Variants in LRP2 observed in about 807,000 individuals in gnomAD.
LRP2 encodes the protein low-density lipoprotein receptor-related protein 2.
LRP2 carries 172 observed loss-of-function variants against 531.0 expected under a neutral mutation model. The ratio of observed to expected loss-of-function variants is 0.32; its 90% CI spans 0.29 to 0.37. The LOEUF (loss-of-function observed/expected upper bound fraction) is 0.37. Among genes scored for constraint, LRP2 ranks in the 10% least tolerant of loss-of-function variants. The pLI, the probability that LRP2 is intolerant of heterozygous loss-of-function variation, is 1.00. For missense variants in LRP2, 5,167 were observed against 5,868.3 expected (o/e 0.88, Z 3.90); for synonymous variants, 1,992 against 2,027.6 (o/e 0.98, Z 0.47).
At chr2:169,233,346 T>G in intron 30 of LRP2, 65 bp downstream of exon 30, 1 of 1,569,332 alleles carries the variant, frequency 6.4e-7, no homozygotes, top group Non-Finnish European at 8.8e-7. Flanking sequence ...AGTGTGCATT[T>G]AGCATTCCCA....
At chr2:169,207,315 T>C (rs957803392) in intron 38 of LRP2, 65 bp from the exon 39 acceptor site, 107 of 1,168,680 alleles carry the variant, frequency 9.2e-5, no homozygotes, top group Non-Finnish European at 1.3e-4. Flanking sequence ...GGGAGAACTT[T>C]ACAAATTCAG....
At chr2:169,310,783 C>T (rs955953881) in intron 3 of LRP2, among the ~76,000 whole-genome samples, 10 of 152,170 alleles carry the variant, frequency 6.6e-5, no homozygotes, top group African/African-American at 2.2e-4. Context: ...ATGGTACCAG[C>T]TCCTCCTTGT....
intron 62 of LRP2, among the ~76,000 whole-genome samples, chr2:169,163,448 C>T (rs1227170947): frequency 6.6e-6 from 1 of 152,118 alleles, no homozygotes; most frequent in Non-Finnish European, 1.5e-5. Flanking sequence ...GACACGAAGG[C>T]CCAATAAAAC....
At chr2:169,138,512 C>T (rs6741849) in intron 75 of LRP2, 65 bp downstream of exon 75, 1 of 1,571,338 alleles carries the variant, frequency 6.4e-7, no homozygotes, top group Non-Finnish European at 8.7e-7. Context: ...GAATTTTGTT[C>T]TTTATAAAAA....
intron 3 of LRP2, among the ~76,000 whole-genome samples, chr2:169,314,090 A>G (rs1473415202): frequency 6.6e-6 from 1 of 152,224 alleles, no homozygotes; most frequent in African/African-American, 2.4e-5. Flanking sequence ...AAAACTTAAC[A>G]TGAAAAACCT....
At chr2:169,292,719 T>C (rs1231983452) in intron 6 of LRP2, among the ~76,000 whole-genome samples, 2 of 151,134 alleles carry the variant, frequency 1.3e-5, no homozygotes, top group Non-Finnish European at 2.9e-5. Context: ...TCTCAGCTAC[T>C]CAGGAGGCTG....
At chr2:169,200,610 C>G (rs1688173489) in intron 44 of LRP2, among the ~76,000 whole-genome samples, 1 of 152,056 alleles carries the variant, frequency 6.6e-6, no homozygotes, top group Non-Finnish European at 1.5e-5. Flanking sequence ...CAATATAATA[C>G]TAAACTAAAC....
chr2:169,241,392 G>A (rs1282330210), intron 24 of LRP2, 27 bp from the exon 25 acceptor site: 2 of 1,612,932 alleles, frequency 1.2e-6, no homozygotes, highest in Admixed American at 1.7e-5. Flanking sequence ...GGGTAAATCG[G>A]CTTGTGAATG....
chr2:169,224,481 A>G (rs571702044), intron 33 of LRP2, among the ~76,000 whole-genome samples: 1 of 152,356 alleles, frequency 6.6e-6, no homozygotes, highest in South Asian at 2.1e-4. Flanking sequence ...GAGAGTATCA[A>G]AGGAATTAGA....
chr2:169,235,790 A>G (rs756142715), intron 29 of LRP2, 50 bp downstream of exon 29: 37 of 1,369,496 alleles, frequency 2.7e-5, no homozygotes, highest in Middle Eastern at 3.6e-4. Context: ...TCTGATTTCT[A>G]CCTATCCACG....
At chr2:169,193,611 C>T in intron 47 of LRP2, 150 bp downstream of exon 47, 1 of 964,038 alleles carries the variant, frequency 1.0e-6, no homozygotes. Flanking sequence ...ATATCAAACA[C>T]TCCCAGCATG....
At chr2:169,212,377 A>G (rs973159509) in intron 36 of LRP2, among the ~76,000 whole-genome samples, 170 bp from the exon 37 acceptor site, 4 of 152,186 alleles carry the variant, frequency 2.6e-5, no homozygotes, top group African/African-American at 7.2e-5. Context: ...AGCTTATACA[A>G]TAACACCTAA....
intron 16 of LRP2, among the ~76,000 whole-genome samples, chr2:169,261,678 G>T (rs1690560324): frequency 6.6e-6 from 1 of 152,064 alleles, no homozygotes; most frequent in South Asian, 2.1e-4. Flanking sequence ...AGGAGGAACT[G>T]GTACCATTCC....
In LRP2 at chr2:169,139,317, G is replaced by A; in HGVS notation, c.13322C>T (p.Ala4441Val). 1 of 1,614,148 alleles carries A rather than the reference G, an allele frequency of 6.2e-7. No individual in the cohort carries two copies. Among genetic ancestry groups the A allele is most frequent in the South Asian group, 1.1e-5 (1 of 91,080 alleles). The change falls in exon 74 of 79, where the codon GCA becomes GTA. Residue 4441 changes from alanine (A) to valine (V), a missense_variant. Around this residue, in one of 6 missense-constraint regions of LRP2, gnomAD observed 348 missense variants for 369.3 expected, o/e 0.94. Transcript: ENST00000649046. Reference protein sequence around the residue: ...ILLIVVIGALAIAGFFHYRRT... With the variant: ...ILLIVVIGALVIAGFFHYRRT... Reference sequence around the variant, plus strand: ...TCTATAGTGGAAGAATCCTGCAATTGCCAGAGCTCCAATTACGACGATCAA... The same window carrying A: ...TCTATAGTGGAAGAATCCTGCAATTACCAGAGCTCCAATTACGACGATCAA...
At chr2:169,146,637 G>T in intron 69 of LRP2, 102 bp downstream of exon 69, 1 of 970,398 alleles carries the variant, frequency 1.0e-6, no homozygotes. Context: ...AACTATATAA[G>T]CCATTTCCTA....
intron 8 of LRP2, among the ~76,000 whole-genome samples, chr2:169,290,539 A>G (rs996911563): frequency 6.6e-6 from 1 of 152,118 alleles, no homozygotes; most frequent in African/African-American, 2.4e-5. Flanking sequence ...CAAACTTGGC[A>G]TAAGTAGAAC....
chr2:169,289,270 T>C, intron 8 of LRP2, 125 bp from the exon 9 acceptor site: 1 of 1,266,888 alleles, frequency 7.9e-7, no homozygotes, highest in Non-Finnish European at 1.1e-6. Flanking sequence ...GAAAAATCTG[T>C]CACCCTTCAA....
intron 14 of LRP2, among the ~76,000 whole-genome samples, chr2:169,273,884 G>A (rs1683485544): frequency 1.3e-5 from 2 of 152,140 alleles, no homozygotes; most frequent in Admixed American, 1.3e-4. Flanking sequence ...CTAATGTGAG[G>A]GCAGGTGTGA....
In LRP2 at chr2:169,362,352, G is replaced by T. The variant is rs1280373005; in HGVS notation, c.48C>A (p.Leu16=). 2.5e-6 allele frequency: 4 copies of T among 1,569,858 alleles called. No individual in the cohort carries two copies. Among genetic ancestry groups the T allele is most frequent in the Non-Finnish European group, 3.5e-6 (4 of 1,159,400 alleles). Residue 16 remains leucine (L), a synonymous_variant, in exon 1 of 79, where the codon CTC becomes CTA. Transcript: ENST00000649046. ...AAVACTLLLA[L]VACLAPASGQ... is the part of the protein sequence containing the mutation. ...CACTGGCCGGCGCTAGGCAGGCGAC[G>T]AGAGCCAGGAGCAGCGTGCACGCCA...
Sources: gnomAD v4.1 joint callset for allele counts (sites outside exome capture counted in the v4.1 genomes callset) on GRCh38, gnomAD v4.1.1 for gene constraint, gnomAD v4.1.1 regional missense constraint, MANE v1.5 for transcripts, NCBI Gene and HGNC (gene_info 2026-07-23, HGNC 2026-07-21) for gene names.